Variants in ATRIP observed in about 807,000 individuals in gnomAD.
The protein encoded by ATRIP is ATR interacting protein, also known as ATR-interacting protein.
A neutral mutation model predicts 78.1 loss-of-function variants in ATRIP; 44 were observed. The ratio of observed to expected loss-of-function variants is 0.56; its 90% CI spans 0.44 to 0.72. The LOEUF is 0.72. ATRIP is among the 30% of genes least tolerant of loss of function. The pLI is 0.00. For synonymous variants in ATRIP, 388 were observed against 408.9 expected, an observed-to-expected ratio of 0.95 and a Z score of 0.62; for missense variants, 927 against 980.2, an observed-to-expected ratio of 0.95 and a Z score of 0.72.
chr3:48,451,405 C>T (rs995957606), intron 2 of ATRIP, among the ~76,000 whole-genome samples: 1 of 152,174 alleles, frequency 6.6e-6, no homozygotes, highest in African/African-American at 2.4e-5. Context: ...GCGAGAGGAT[C>T]ACTTGAGCCC....
intron 4 of ATRIP, among the ~76,000 whole-genome samples, chr3:48,456,030 A>G (rs1444560103): frequency 6.6e-6 from 1 of 151,778 alleles, no homozygotes; most frequent in Non-Finnish European, 1.5e-5. Flanking sequence ...CTGAGGCAGG[A>G]GAATCACTCA....
rs757534549 is a variant in ATRIP, at chr3:48,460,637, G to C, written c.1583G>C (p.Gly528Ala). 1 of 1,614,094 alleles carries C rather than the reference G, an allele frequency of 6.2e-7. No homozygotes were observed. Among genetic ancestry groups the C allele is most frequent in the Non-Finnish European group, 8.5e-7 (1 of 1,179,960 alleles). Residue 528 changes from glycine (G) to alanine (A), a missense_variant, in exon 8 of 13, where the codon GGG becomes GCG. By Grantham distance (60) the Gly-to-Ala change is moderately conservative. Coordinates refer to ENST00000320211, the MANE Select transcript of ATRIP (RefSeq NM_130384.3). The part of the protein sequence containing the change: ...SDGDMTSALR[G>A]VADDQGQHPL... ...GGAGATATGACCTCAGCCCTAAGGG[G>C]GGTTGCTGATGACCAAGGACAGCAC...
At chr3:48,447,476 C>T (rs2039709118) in intron 1 of ATRIP, 1 of 997,184 alleles carries the variant, frequency 1.0e-6, no homozygotes, top group African/African-American at 1.7e-5. Flanking sequence ...CTTATGAAGC[C>T]CACTGTCTCC....
chr3:48,459,743 A>T (rs758144694), intron 6 of ATRIP, 44 bp from the exon 7 acceptor site: 1 of 1,594,342 alleles, frequency 6.3e-7, no homozygotes, highest in South Asian at 1.1e-5. Flanking sequence ...CACCGAAAAG[A>T]TCTCCCATGT....
chr3:48,447,716 T>C (rs911053247), intron 1 of ATRIP, among the ~76,000 whole-genome samples: 2 of 152,178 alleles, frequency 1.3e-5, no homozygotes, highest in Non-Finnish European at 2.9e-5. Flanking sequence ...GCACCTTGCA[T>C]CTGTACTTGG....
rs980849286 is a variant in ATRIP, at chr3:48,467,619, A to G, written c.*2065A>G. On this transcript the variant is annotated 3_prime_UTR_variant, in exon 13 of 13. Transcript: ENST00000320211. Reference sequence around the variant, plus strand: ...GGAGTAGGCCAAGAAGGAAAATCTGACGAATAAAGACCCCCGCTGCCCCAT... The same window carrying G: ...GGAGTAGGCCAAGAAGGAAAATCTGGCGAATAAAGACCCCCGCTGCCCCAT... 15 of 1,605,348 alleles carry G rather than the reference A, an allele frequency of 9.3e-6. No individual in the cohort carries two copies. The highest frequency in any genetic ancestry group is 1.3e-5 in the African/African-American group (1 of 74,638).
chr3:48,447,130 G>A (rs1192299800), intron 1 of ATRIP, 38 bp downstream of exon 1: 2 of 1,453,558 alleles, frequency 1.4e-6, no homozygotes, highest in Admixed American at 2.5e-5. Flanking sequence ...GGAGGGAGTT[G>A]TCAACCGCGC....
At chr3:48,460,861 C>T in intron 8 of ATRIP, 62 bp downstream of exon 8, 1 of 1,436,446 alleles carries the variant, frequency 7.0e-7, no homozygotes, top group Non-Finnish European at 9.5e-7. Context: ...TAAGGTCTAA[C>T]CCATGGCACT....
At position 48,464,025 on chromosome 3, in the gene ATRIP, G is replaced by A. The variant is rs374734039; in HGVS notation, c.1883-16G>A. On this transcript the variant is annotated splice_polypyrimidine_tract_variant and intron_variant, in intron 9 of 12. Coordinates refer to ENST00000320211, the MANE Select transcript of ATRIP (RefSeq NM_130384.3). ...AGAAAGGGCACCCTGAGTGAGAGGT[G>A]CGCTGTCCTTTTCAGAAGGCTGCCT... 27 of 1,611,916 alleles carry A rather than the reference G, an allele frequency of 1.7e-5. No homozygotes were observed. The highest frequency in any genetic ancestry group is 1.8e-4 in the Middle Eastern group (1 of 5,564).
chr3:48,449,927 G>A (rs1338144345), intron 1 of ATRIP, 110 bp from the exon 2 acceptor site: 4 of 1,196,086 alleles, frequency 3.3e-6, no homozygotes, highest in South Asian at 3.0e-5. Context: ...AACAGAGCAA[G>A]ACCCTATCTC....
Position 48,447,312 on chromosome 3 carries a change from CTAAGT to C in ATRIP, c.247+222_247+226del, listed in dbSNP as rs1003108593. 2.4e-6 allele frequency: 3 copies of C among 1,232,318 alleles called. No individual in the cohort carries two copies. In the African/African-American group the frequency reaches 4.7e-5, roughly 19 times the overall value. The allele number at this position is 1,232,318 out of a possible 1,614,324, so 76.3% of individuals were successfully genotyped here. ...AACAGCCGATTTGAAACACAGAAGGCTAAGTTGACATTTTACGTTATTTTCTAAAG... is the reference window on the plus strand; with the variant it reads ...AACAGCCGATTTGAAACACAGAAGGCTGACATTTTACGTTATTTTCTAAAG... On this transcript the variant is annotated intron_variant, in intron 1 of 12. Transcript: ENST00000320211.
At chr3:48,460,841 C>T (rs748964383) in intron 8 of ATRIP, 42 bp downstream of exon 8, 15 of 1,530,836 alleles carry the variant, frequency 9.8e-6, no homozygotes, top group Non-Finnish European at 1.3e-5. Context: ...GTGGGTCTCA[C>T]CTGACCTCTT....
intron 12 of ATRIP, among the ~76,000 whole-genome samples, 172 bp from the exon 13 acceptor site, chr3:48,465,315 A>T (rs2040249062): frequency 6.6e-6 from 1 of 152,242 alleles, no homozygotes; most frequent in African/African-American, 2.4e-5. Context: ...TTCCAGAAAT[A>T]GCCGTGTCTG....
chr3:48,465,110 C>T, intron 12 of ATRIP, 27 bp downstream of exon 12: 1 of 1,591,364 alleles, frequency 6.3e-7, no homozygotes, highest in Non-Finnish European at 8.6e-7. Context: ...CCATCCTGCC[C>T]AGCCCCCATG....
In ATRIP at chr3:48,467,597, G is replaced by T; in HGVS notation, c.*2043G>T. On this transcript the variant is annotated 3_prime_UTR_variant, in exon 13 of 13. Transcript: ENST00000320211. ...GACTATCCCTGGCCACACCTGGGGA[G>T]TAGGCCAAGAAGGAAAATCTGACGA... 6.2e-7 allele frequency: 1 copy of T among 1,610,280 alleles called. No individual in the cohort carries two copies. The highest frequency in any genetic ancestry group is 8.5e-7 in the Non-Finnish European group (1 of 1,177,806).
chr3:48,464,315 A>G (rs1459756231), intron 10 of ATRIP, among the ~76,000 whole-genome samples, 183 bp downstream of exon 10: 1 of 152,232 alleles, frequency 6.6e-6, no homozygotes, highest in East Asian at 1.9e-4. Flanking sequence ...CAATGCAGAC[A>G]GGACTTGGCA....
At chr3:48,457,530 G>A in intron 5 of ATRIP, 114 bp downstream of exon 5, 3 of 862,640 alleles carry the variant, frequency 3.5e-6, no homozygotes, top group Non-Finnish European at 4.9e-6. Flanking sequence ...ACAAGGCACA[G>A]AGGGGACAAT....
At chr3:48,449,885 C>A in intron 1 of ATRIP, 152 bp from the exon 2 acceptor site, 1 of 724,608 alleles carries the variant, frequency 1.4e-6, no homozygotes, top group Non-Finnish European at 2.2e-6. Flanking sequence ...TGGCAGTAAG[C>A]AGTGATCACA....
intron 4 of ATRIP, among the ~76,000 whole-genome samples, chr3:48,455,599 C>T (rs1575278633): frequency 1.3e-5 from 2 of 152,034 alleles, no homozygotes; most frequent in African/African-American, 4.8e-5. Context: ...AAGTGATTCT[C>T]CTGTCTCAGC....
Sources: gnomAD v4.1 joint callset for allele counts (sites outside exome capture counted in the v4.1 genomes callset) on GRCh38, gnomAD v4.1.1 for gene constraint, MANE v1.5 for transcripts, NCBI Gene and HGNC (gene_info 2026-07-23, HGNC 2026-07-21) for gene names.